Variants in ZBTB20 observed in about 807,000 individuals in gnomAD.
ZBTB20 encodes the protein zinc finger and BTB domain-containing protein 20.
In ZBTB20, 9 loss-of-function variants were observed where a neutral mutation model predicts 56.9. That is an observed-to-expected ratio of 0.16 (90% CI 0.10 to 0.28). ZBTB20 has a LOEUF of 0.28. Ranked by LOEUF, ZBTB20 falls within the 10% of genes least tolerant of loss-of-function variation. ZBTB20 has a pLI of 1.00. For synonymous variants in ZBTB20, 417 were observed against 420.7 expected, an observed-to-expected ratio of 0.99 and a Z score of 0.11; for missense variants, 655 against 1,003.0, an observed-to-expected ratio of 0.65 and a Z score of 4.69.
At chr3:115,033,655 T>C (rs770380074) in intron 2 of ZBTB20, among the ~76,000 whole-genome samples, 10 of 151,548 alleles carry the variant, frequency 6.6e-5, no homozygotes, top group Non-Finnish European at 1.3e-4. Flanking sequence ...AGATGTGGCA[T>C]ATATACATAA....
At chr3:115,070,384 C>T (rs770484299) in intron 2 of ZBTB20, among the ~76,000 whole-genome samples, 9 of 152,094 alleles carry the variant, frequency 5.9e-5, no homozygotes, top group Non-Finnish European at 1.2e-4. Context: ...ATTCATTTGG[C>T]ATAAACAAAT....
intron 4 of ZBTB20, among the ~76,000 whole-genome samples, chr3:114,840,630 TCTC>T (rs2108996557): frequency 6.6e-6 from 1 of 152,250 alleles, no homozygotes; most frequent in Non-Finnish European, 1.5e-5. Context: ...ATCACAGAAT[TCTC>T]CTAAATGTTA....
chr3:115,137,391 T>C (rs1402459355), intron 1 of ZBTB20, among the ~76,000 whole-genome samples: 1 of 152,070 alleles, frequency 6.6e-6, no homozygotes, highest in Non-Finnish European at 1.5e-5. Flanking sequence ...CAATAAAAAT[T>C]CACTTTAAAG....
At chr3:114,459,796 T>C (rs1389822961) in intron 7 of ZBTB20, among the ~76,000 whole-genome samples, 1 of 152,164 alleles carries the variant, frequency 6.6e-6, no homozygotes, top group African/African-American at 2.4e-5. Flanking sequence ...ATTTTCATAG[T>C]ATCGCCACTA....
At chr3:114,703,554 A>C (rs556043437) in intron 5 of ZBTB20, among the ~76,000 whole-genome samples, 4 of 152,308 alleles carry the variant, frequency 2.6e-5, no homozygotes, top group Non-Finnish European at 5.9e-5. Context: ...TATAACTTGC[A>C]ACATTAAAAA....
chr3:114,900,380 T>A (rs895544130), intron 3 of ZBTB20, 38 bp from the exon 4 acceptor site: 4 of 152,128 alleles, frequency 2.6e-5, no homozygotes, highest in Non-Finnish European at 4.4e-5. Context: ...AAAATTAATT[T>A]ACTAAGTTGG....
intron 3 of ZBTB20, among the ~76,000 whole-genome samples, chr3:114,945,691 A>C (rs894304045): frequency 4.1e-5 from 6 of 145,658 alleles, no homozygotes; most frequent in South Asian, 2.1e-4. Flanking sequence ...AAATCAACAA[A>C]TATTAGCAAG....
intron 5 of ZBTB20, among the ~76,000 whole-genome samples, chr3:114,763,189 T>C (rs934808210): frequency 6.6e-6 from 1 of 152,166 alleles, no homozygotes; most frequent in African/African-American, 2.4e-5. Flanking sequence ...ATGGGCTGTA[T>C]ATTTGGTTGA....
intron 5 of ZBTB20, among the ~76,000 whole-genome samples, chr3:114,769,581 AT>A (rs1560228637): frequency 2.2e-4 from 17 of 77,368 alleles, no homozygotes; most frequent in Non-Finnish European, 5.1e-4. Flanking sequence ...ATATATATAT[AT>A]ATATATATAT....
intron 2 of ZBTB20, among the ~76,000 whole-genome samples, chr3:114,977,544 A>G (rs1424816870): frequency 6.6e-6 from 1 of 152,162 alleles, no homozygotes; most frequent in Non-Finnish European, 1.5e-5. Context: ...GGTAAATGTT[A>G]CAAGTAACAT....
rs992034974 is a variant in ZBTB20, at chr3:114,322,287, T to G, written c.*16718A>C. The G allele has an allele frequency of 6.6e-6, 1 of 151,858 alleles. No homozygotes were observed. The highest frequency in any genetic ancestry group is 2.4e-5 in the African/African-American group (1 of 41,426). 9.4% of individuals were successfully genotyped at this position (151,858 alleles called of 1,614,324 possible). On this transcript the variant is annotated 3_prime_UTR_variant, in exon 12 of 12. Coordinates refer to ENST00000675478, the MANE Select transcript of ZBTB20 (RefSeq NM_001348800.3). ...TTACAGTGTCAAGTAGTGTTGTTTATTTTTTTCTATTTTTTAAACCTCTGA... is the reference window on the plus strand; with the variant it reads ...TTACAGTGTCAAGTAGTGTTGTTTAGTTTTTTCTATTTTTTAAACCTCTGA...
chr3:114,534,369 A>C (rs1279834118), intron 6 of ZBTB20, among the ~76,000 whole-genome samples: 1 of 152,242 alleles, frequency 6.6e-6, no homozygotes, highest in African/African-American at 2.4e-5. Flanking sequence ...TTTTAAACCA[A>C]TAAAGATCAA....
intron 1 of ZBTB20, among the ~76,000 whole-genome samples, chr3:115,139,221 A>G (rs1292583368): frequency 1.3e-5 from 2 of 152,134 alleles, no homozygotes; most frequent in East Asian, 3.9e-4. Flanking sequence ...AGGATTCAGG[A>G]TAGTATAGCT....
chr3:114,925,595 T>C (rs1430792193), intron 3 of ZBTB20, among the ~76,000 whole-genome samples: 1 of 151,706 alleles, frequency 6.6e-6, no homozygotes, highest in Admixed American at 6.6e-5. Context: ...GGCACGATCT[T>C]GGTTCACTGC....
intron 5 of ZBTB20, among the ~76,000 whole-genome samples, chr3:114,705,998 T>C (rs1472412478): frequency 6.6e-6 from 1 of 152,160 alleles, no homozygotes; most frequent in Non-Finnish European, 1.5e-5. Flanking sequence ...AACTCTTTCA[T>C]AACACCATCT....
intron 6 of ZBTB20, among the ~76,000 whole-genome samples, chr3:114,539,181 T>C (rs1160330458): frequency 6.6e-6 from 1 of 152,144 alleles, no homozygotes; most frequent in African/African-American, 2.4e-5. Context: ...ATTATAATTT[T>C]GGAAAGTCAC....
At chr3:114,822,212 G>A (rs1464990162) in intron 4 of ZBTB20, among the ~76,000 whole-genome samples, 1 of 151,968 alleles carries the variant, frequency 6.6e-6, no homozygotes, top group East Asian at 1.9e-4. Flanking sequence ...CAGATTTCAA[G>A]GTAGAGCAGT....
At chr3:114,441,746 C>T (rs1016233097) in intron 7 of ZBTB20, among the ~76,000 whole-genome samples, 1 of 152,026 alleles carries the variant, frequency 6.6e-6, no homozygotes, top group African/African-American at 2.4e-5. Flanking sequence ...TCATAATGAA[C>T]ATATTCAACA....
chr3:114,495,060 TA>T (rs2043131954), intron 7 of ZBTB20, among the ~76,000 whole-genome samples: 1 of 152,244 alleles, frequency 6.6e-6, no homozygotes, highest in Admixed American at 6.5e-5. Context: ...AATGAAACCC[TA>T]TGGTACTTCC....
Sources: allele counts gnomAD v4.1 joint callset (sites outside exome capture counted in the v4.1 genomes callset), GRCh38; gene constraint gnomAD v4.1.1; transcripts MANE v1.5; gene names NCBI Gene and HGNC (gene_info 2026-07-23, HGNC 2026-07-21).